The following SLC27A2 variants were observed in gnomAD, a reference collection of about 807,000 sequenced individuals.
SLC27A2 encodes long-chain fatty acid transport protein 2.
A neutral mutation model predicts 60.0 loss-of-function variants in SLC27A2; 54 were observed. The observed-to-expected ratio is 0.90, with a 90% CI of 0.72 to 1.13. The LOEUF is 1.13. Among genes scored for constraint, SLC27A2 ranks in the 50% most tolerant of loss-of-function variants. SLC27A2 has a pLI of 0.00. For synonymous variants in SLC27A2, 297 were observed against 297.6 expected, an observed-to-expected ratio of 1.00 and a Z score of 0.02; for missense variants, 739 against 777.6, an observed-to-expected ratio of 0.95 and a Z score of 0.59.
chr15:50,187,463 GTTCCAT>G (rs1306913712), intron 1 of SLC27A2, among the ~76,000 whole-genome samples: 1 of 152,174 alleles, frequency 6.6e-6, no homozygotes, highest in Non-Finnish European at 1.5e-5. Context: ...TTGTACATTT[GTTCCAT>G]TTCCATTTAT....
intron 8 of SLC27A2, among the ~76,000 whole-genome samples, chr15:50,229,741 G>A (rs2045303923): frequency 6.6e-6 from 1 of 152,130 alleles, no homozygotes; most frequent in Non-Finnish European, 1.5e-5. Context: ...AAGGGTTGTT[G>A]TGACAATAAA....
intron 1 of SLC27A2, among the ~76,000 whole-genome samples, chr15:50,188,270 G>A (rs1291999115): frequency 6.6e-6 from 1 of 152,146 alleles, no homozygotes; most frequent in Non-Finnish European, 1.5e-5. Context: ...ACCAGAGGCA[G>A]TTCTGATCAG....
chr15:50,222,199 T>A (rs1416292642), intron 4 of SLC27A2, among the ~76,000 whole-genome samples: 1 of 152,148 alleles, frequency 6.6e-6, no homozygotes, highest in Non-Finnish European at 1.5e-5. Flanking sequence ...GCAAATCATA[T>A]TCTTCCCAGG....
Position 50,196,107 on chromosome 15 carries a change from T to A in SLC27A2, c.479-1393T>A, listed in dbSNP as rs1275327934. On this transcript the variant is annotated intron_variant, in intron 1 of 9. Transcript: ENST00000267842. ...ATATATATATATATATATATATATATATATATATATATATATATGTATGTA... is the reference window on the plus strand; with the variant it reads ...ATATATATATATATATATATATATAAATATATATATATATATATGTATGTA... Among the ~76,000 whole-genome samples, 160 of 82,202 alleles carry A rather than the reference T, an allele frequency of 1.9e-3. 15 individuals are homozygous for A. Among genetic ancestry groups the A allele is most frequent in the Middle Eastern group, 6.3e-3 (1 of 158 alleles). The allele number at this position is 82,202 out of a possible 152,430, so 53.9% of individuals were successfully genotyped here.
chr15:50,183,802 G>C (rs141984213), intron 1 of SLC27A2, among the ~76,000 whole-genome samples: 11 of 152,040 alleles, frequency 7.2e-5, no homozygotes, highest in African/African-American at 2.7e-4. Flanking sequence ...GGTAGGGGTC[G>C]AGGGAGCCGA....
intron 8 of SLC27A2, among the ~76,000 whole-genome samples, chr15:50,229,725 A>G (rs2045303204): frequency 6.6e-6 from 1 of 152,226 alleles, no homozygotes; most frequent in South Asian, 2.1e-4. Context: ...TATCAAATAT[A>G]TATATAAGGG....
chr15:50,229,504 C>T (rs969311759), intron 8 of SLC27A2, among the ~76,000 whole-genome samples: 5 of 152,188 alleles, frequency 3.3e-5, no homozygotes. Flanking sequence ...AGAATCATCA[C>T]ACAAGAACGT....
intron 4 of SLC27A2, among the ~76,000 whole-genome samples, chr15:50,213,357 G>A (rs1012857085): frequency 6.6e-6 from 1 of 152,032 alleles, no homozygotes; most frequent in Admixed American, 6.6e-5. Context: ...AATAACAGTG[G>A]GGGACTTCAA....
chr15:50,235,004 AG>A (rs35119987), intron 9 of SLC27A2, among the ~76,000 whole-genome samples: 19,245 of 152,224 alleles, frequency 0.13, 1,576 homozygotes, highest in Middle Eastern at 0.2. Flanking sequence ...GACATTAGCC[AG>A]CTGGAATTGC....
At chr15:50,185,105 G>A (rs1218251063) in intron 1 of SLC27A2, among the ~76,000 whole-genome samples, 1 of 152,180 alleles carries the variant, frequency 6.6e-6, no homozygotes, top group Non-Finnish European at 1.5e-5. Context: ...GGAGGTCACA[G>A]GGTTTGGAGT....
At chr15:50,199,038 T>TG (rs1313821352) in intron 2 of SLC27A2, among the ~76,000 whole-genome samples, 1 of 151,580 alleles carries the variant, frequency 6.6e-6, no homozygotes, top group Non-Finnish European at 1.5e-5. Flanking sequence ...ATCTTTTTTT[T>TG]TTTATTTTTA....
chr15:50,204,843 ATATATGTATG>A (rs1244086447), intron 3 of SLC27A2, among the ~76,000 whole-genome samples: 1 of 145,546 alleles, frequency 6.9e-6, no homozygotes, highest in African/African-American at 2.6e-5. Context: ...GTGTGTGTAT[ATATATGTATG>A]TGTGTATATA....
chr15:50,219,799 A>G (rs1256256999), intron 4 of SLC27A2, among the ~76,000 whole-genome samples: 1 of 152,136 alleles, frequency 6.6e-6, no homozygotes, highest in African/African-American at 2.4e-5. Context: ...CTCTCTGGAC[A>G]TCTTGACCTC....
At chr15:50,219,369 C>G (rs1240087941) in intron 4 of SLC27A2, among the ~76,000 whole-genome samples, 2 of 152,140 alleles carry the variant, frequency 1.3e-5, no homozygotes, top group Admixed American at 6.5e-5. Flanking sequence ...AAGGGTCTTT[C>G]AGGACTATTT....
intron 1 of SLC27A2, among the ~76,000 whole-genome samples, chr15:50,186,547 C>G (rs2044925510): frequency 6.6e-6 from 1 of 152,202 alleles, no homozygotes; most frequent in Admixed American, 6.5e-5. Flanking sequence ...AAGCCATTCT[C>G]CTACCTCAGC....
At chr15:50,213,734 AC>A (rs561596673) in intron 4 of SLC27A2, among the ~76,000 whole-genome samples, 89 of 152,258 alleles carry the variant, frequency 5.8e-4, no homozygotes, top group African/African-American at 2.0e-3. Context: ...CAAAATCAAG[AC>A]AGAAATGAAA....
chr15:50,234,784 A>G (rs1036306540), intron 9 of SLC27A2, among the ~76,000 whole-genome samples: 1 of 152,094 alleles, frequency 6.6e-6, no homozygotes, highest in African/African-American at 2.4e-5. Flanking sequence ...GAAAACAGCT[A>G]GAAGAAATCC....
Position 50,182,596 on chromosome 15 carries a change from C to T in SLC27A2, c.169C>T (p.Arg57Trp), listed in dbSNP as rs780145716. The change falls in exon 1 of 10, where the codon CGG (arginine) becomes TGG (tryptophan). Residue 57 changes from arginine (R) to tryptophan (W), a missense_variant. By Grantham distance (101) the Arg-to-Trp change is moderately radical. Coordinates refer to ENST00000267842, the MANE Select transcript of SLC27A2 (RefSeq NM_003645.4). The stretch of plus-strand genomic sequence containing the variant: ...GCGGCGGCCGGCGCGCACCATCCTG[C>T]GGGCGTTCCTGGAGAAAGCGCGCCA... ...GKRRPARTIL[R>W]AFLEKARQTP... 52 of 1,613,434 alleles carry T rather than the reference C, an allele frequency of 3.2e-5. 1 individual carries two copies. In the Middle Eastern group the frequency reaches 9.9e-4, roughly 31 times the overall value.
chr15:50,201,530 AC>A (rs1345713801), intron 2 of SLC27A2, among the ~76,000 whole-genome samples: 1 of 152,112 alleles, frequency 6.6e-6, no homozygotes, highest in Non-Finnish European at 1.5e-5. Context: ...AGCAGCAGAG[AC>A]AAAAAACATG....
Sources: allele counts gnomAD v4.1 joint callset (sites outside exome capture counted in the v4.1 genomes callset), GRCh38; gene constraint gnomAD v4.1.1; transcripts MANE v1.5; gene names NCBI Gene and HGNC (gene_info 2026-07-23, HGNC 2026-07-21).